Variants in IVNS1ABP observed in about 807,000 individuals in gnomAD.
IVNS1ABP encodes the protein influenza virus NS1A-binding protein.
IVNS1ABP carries 25 observed loss-of-function variants against 78.9 expected under a neutral mutation model. That is an observed-to-expected ratio of 0.32 (90% confidence interval 0.23 to 0.44). The LOEUF is 0.44. IVNS1ABP is among the 20% of genes least tolerant of loss of function. The pLI is 1.00. For synonymous variants in IVNS1ABP, 241 were observed against 259.7 expected (o/e 0.93, Z 0.69); for missense variants, 494 against 768.9 (o/e 0.64, Z 4.23).
intron 1 of IVNS1ABP, among the ~76,000 whole-genome samples, chr1:185,316,750 T>C (rs1347451583): frequency 1.3e-5 from 2 of 152,150 alleles, no homozygotes; most frequent in Non-Finnish European, 2.9e-5. Flanking sequence ...TTGGCAACCA[T>C]GGCAGCGCTG....
chr1:185,308,844 C>T lies in IVNS1ABP; in HGVS notation c.313G>A (p.Val105Ile). The change falls in exon 5 of 15, where the codon GTT becomes ATT. Residue 105 changes from valine to isoleucine, a missense_variant. By Grantham distance (29) the Val-to-Ile change is conservative (BLOSUM62 3). Transcript: ENST00000367498. The part of the protein sequence containing the change: ...LKADKELVKD[V>I]YSAAKKLKMD... ...TTCAGCTTTTTTGCTGCAGAATAAACATCTTTTACCAATTCCTTATCTGCT... is the reference window on the plus strand; with the variant it reads ...TTCAGCTTTTTTGCTGCAGAATAAATATCTTTTACCAATTCCTTATCTGCT... 5.6e-6 allele frequency: 9 copies of T among 1,610,724 alleles called. No individual in the cohort carries two copies. Among genetic ancestry groups the T allele is most frequent in the Non-Finnish European group, 7.6e-6 (9 of 1,179,524 alleles).
In IVNS1ABP at chr1:185,307,101, G is replaced by T; in HGVS notation, c.570C>A (p.Ser190Arg). The T allele has an allele frequency of 6.2e-7, 1 of 1,613,284 alleles. No individual in the cohort carries two copies. The highest frequency in any genetic ancestry group is 1.3e-5 in the African/African-American group (1 of 74,976). ...TTACCTTTGTATATAATTTGCCATT[G>T]CTGGGCAAGCAAACATTATCTTCAA... ...VMLEDNVCLP[S>R]NGKLYTKVIN... Residue 190 changes from serine (S) to arginine (R), a missense_variant, in exon 7 of 15, where the codon AGC (serine) becomes AGA (arginine). Transcript: ENST00000367498.
At chr1:185,302,801 C>T (rs1665635916) in intron 8 of IVNS1ABP, among the ~76,000 whole-genome samples, 1 of 151,954 alleles carries the variant, frequency 6.6e-6, no homozygotes. Flanking sequence ...ATATTATCTA[C>T]CCATTTTATA....
At chr1:185,304,174 C>T (rs529786872) in intron 8 of IVNS1ABP, among the ~76,000 whole-genome samples, 8 of 152,148 alleles carry the variant, frequency 5.3e-5, no homozygotes, top group East Asian at 1.9e-4. Flanking sequence ...TTAGGCCTTT[C>T]GTAGCTACCT....
rs1410682726 is a variant in IVNS1ABP at position 185,307,482 on chromosome 1, T to A, written c.531+7A>T. On this transcript the variant is annotated splice_region_variant and intron_variant, in intron 6 of 14. Transcript: ENST00000367498. ...GTATATATCTGTTTATAGACTTTACTCCTTACCTTTAGCCTTGGAAGCTTA... is the reference window on the plus strand; with the variant it reads ...GTATATATCTGTTTATAGACTTTACACCTTACCTTTAGCCTTGGAAGCTTA... The A allele has an allele frequency of 1.9e-6, 3 of 1,608,124 alleles. No individual in the cohort carries two copies. The East Asian group carries it at 6.7e-5, about 36-fold the overall frequency.
chr1:185,307,642 CA>C lies in IVNS1ABP; in HGVS notation c.377del (p.Leu126ArgfsTer25). 1 of 1,613,278 alleles carries C rather than the reference CA, an allele frequency of 6.2e-7. No homozygotes were observed. Among genetic ancestry groups the C allele is most frequent in the Non-Finnish European group, 8.5e-7 (1 of 1,179,550 alleles). On this transcript the variant is annotated frameshift_variant, in exon 6 of 15. Coordinates refer to ENST00000367498, the MANE Select transcript of IVNS1ABP (RefSeq NM_006469.5). LOFTEE classifies it high-confidence loss of function. ...RVKQVCGDYL[L>X]SRMDVTSCIS... is the part of the protein sequence containing the mutation. ...TGCAGCTGGTAACATCCATTCTAGACAGTAAATAATCACCACAAACCTTGGA... is the reference window on the plus strand; with the variant it reads ...TGCAGCTGGTAACATCCATTCTAGACGTAAATAATCACCACAAACCTTGGA...
chr1:185,309,217 G>A, intron 3 of IVNS1ABP, 45 bp from the exon 4 acceptor site: 1 of 1,378,722 alleles, frequency 7.3e-7, no homozygotes, highest in Non-Finnish European at 9.8e-7. Flanking sequence ...TGGATTATGT[G>A]CTTCTCTAGC....
At chr1:185,315,307 C>T (rs1159193627) in intron 1 of IVNS1ABP, among the ~76,000 whole-genome samples, 1 of 152,136 alleles carries the variant, frequency 6.6e-6, no homozygotes, top group East Asian at 1.9e-4. Context: ...AAGAAAAAAT[C>T]CCACCTTCCA....
intron 1 of IVNS1ABP, among the ~76,000 whole-genome samples, chr1:185,312,948 A>C (rs1157817657): frequency 6.6e-6 from 1 of 152,226 alleles, no homozygotes; most frequent in Non-Finnish European, 1.5e-5. Context: ...AAGAGGAAGG[A>C]GTCCCCATGC....
intron 7 of IVNS1ABP, 167 bp downstream of exon 7, chr1:185,306,847 C>A: frequency 1.3e-6 from 1 of 777,260 alleles, no homozygotes; most frequent in Non-Finnish European, 2.0e-6. Context: ...CTGAACAGTT[C>A]ATTCAGCTCA....
chr1:185,316,791 C>A (rs1191207016), intron 1 of IVNS1ABP, among the ~76,000 whole-genome samples, 162 bp downstream of exon 1: 1 of 152,166 alleles, frequency 6.6e-6, no homozygotes, highest in Non-Finnish European at 1.5e-5. Flanking sequence ...GCGGGCTTCA[C>A]GTCCCAGAGG....
Position 185,305,285 on chromosome 1 carries a change from T to C in IVNS1ABP, c.765+251A>G, listed in dbSNP as rs1665710279. On this transcript the variant is annotated intron_variant, in intron 8 of 14. Transcript: ENST00000367498. The surrounding 1 kb of genome is among the most constrained non-coding windows in gnomAD (Gnocchi z 4.0). ...ATAATTTCTATATTGTTCCATCTTATTGGCCTTTACTGTTTGTAATTCCTG... is the reference window on the plus strand; with the variant it reads ...ATAATTTCTATATTGTTCCATCTTACTGGCCTTTACTGTTTGTAATTCCTG... Among the ~76,000 whole-genome samples the C allele has an allele frequency of 6.6e-6, 1 of 152,192 alleles. No individual in the cohort carries two copies.
intron 1 of IVNS1ABP, among the ~76,000 whole-genome samples, chr1:185,314,007 C>T (rs1271093448): frequency 6.6e-6 from 1 of 152,142 alleles, no homozygotes; most frequent in Non-Finnish European, 1.5e-5. Flanking sequence ...AAGGTAGGCA[C>T]AATATGGCCT....
chr1:185,299,956 T>C (rs2102812475), intron 13 of IVNS1ABP, 43 bp downstream of exon 13: 1 of 1,609,362 alleles, frequency 6.2e-7, no homozygotes, highest in Non-Finnish European at 8.5e-7. Flanking sequence ...ATACTGTTGA[T>C]TTGAAGGTCT....
chr1:185,301,090 A>C lies in IVNS1ABP; in HGVS notation c.1002T>G (p.Ser334Arg), dbSNP rs1665585291. The C allele has an allele frequency of 6.2e-7, 1 of 1,613,486 alleles. No individual in the cohort carries two copies. Among genetic ancestry groups the C allele is most frequent in the Non-Finnish European group, 8.5e-7 (1 of 1,179,674 alleles). Residue 334 changes from serine to arginine, a missense_variant, in exon 10 of 15, where the codon AGT becomes AGG. Ser to Arg is a moderately radical substitution (Grantham distance 110). Coordinates refer to ENST00000367498, the MANE Select transcript of IVNS1ABP (RefSeq NM_006469.5). ...GTTGCATCTCAAAGCTTAAACTCTTACTTAGTTTTGGAGTACTTGTTGGTG... is the reference window on the plus strand; with the variant it reads ...GTTGCATCTCAAAGCTTAAACTCTTCCTTAGTTTTGGAGTACTTGTTGGTG... ...QSSPTSTPKLSKSLSFEMQQD... is the reference protein window; with the variant it reads ...QSSPTSTPKLRKSLSFEMQQD...
chr1:185,316,203 A>G (rs947742844), intron 1 of IVNS1ABP, among the ~76,000 whole-genome samples: 7 of 152,164 alleles, frequency 4.6e-5, no homozygotes, highest in Non-Finnish European at 1.0e-4. Context: ...CTCCTCGCGC[A>G]GCCAGGCCGG....
intron 10 of IVNS1ABP, 140 bp downstream of exon 10, chr1:185,300,832 G>T: frequency 1.4e-6 from 1 of 705,022 alleles, no homozygotes; most frequent in Non-Finnish European, 2.4e-6. Context: ...CTGAAGGTTA[G>T]CCATATTCAA....
intron 8 of IVNS1ABP, among the ~76,000 whole-genome samples, chr1:185,304,808 A>C (rs1409001735): frequency 2.6e-5 from 4 of 152,262 alleles, no homozygotes; most frequent in South Asian, 2.1e-4. Flanking sequence ...TTACACTGGT[A>C]GGTTCACTAT....
chr1:185,297,818 A>G lies in IVNS1ABP; in HGVS notation c.*217T>C. ...TCTTTTCCAAAAAGTAAAATAACCA[A>G]AGTCTTAAAAGTACACAAAACAGAC... On this transcript the variant is annotated 3_prime_UTR_variant, in exon 15 of 15. Transcript: ENST00000367498. 1 of 520,998 alleles carries G rather than the reference A, an allele frequency of 1.9e-6. No homozygotes were observed. Among genetic ancestry groups the G allele is most frequent in the Non-Finnish European group, 3.4e-6 (1 of 297,506 alleles). 32.3% of individuals were successfully genotyped at this position (520,998 alleles called of 1,614,324 possible). A position where few individuals can be genotyped will look rare whatever the true frequency, so the allele number is the denominator to read the frequency against.
Sources: allele counts gnomAD v4.1 joint callset (sites outside exome capture counted in the v4.1 genomes callset), GRCh38; gene constraint gnomAD v4.1.1; non-coding constraint Gnocchi (gnomAD v3.1); transcripts MANE v1.5; gene names NCBI Gene and HGNC (gene_info 2026-07-23, HGNC 2026-07-21).